Variants in PDHX observed in about 807,000 individuals in gnomAD.
The protein encoded by PDHX is pyruvate dehydrogenase protein X component, mitochondrial.
In PDHX, 33 loss-of-function variants were observed where a neutral mutation model predicts 55.3. The ratio of observed to expected loss-of-function variants is 0.60; its 90% CI spans 0.45 to 0.80. The LOEUF is 0.80. Among genes scored for constraint, PDHX ranks in the 30% least tolerant of loss-of-function variants. The pLI, the probability that PDHX is intolerant of heterozygous loss-of-function variation, is 0.00. For missense variants in PDHX, 622 were observed against 619.9 expected (o/e 1.00, Z -0.04); for synonymous variants, 226 against 219.4 (o/e 1.03, Z -0.27).
chr11:34,985,907 A>G (rs1855631426), intron 9 of PDHX, among the ~76,000 whole-genome samples: 1 of 152,236 alleles, frequency 6.6e-6, no homozygotes, highest in South Asian at 2.1e-4. Context: ...AGAGGTAGAT[A>G]TAATTAAAGG....
chr11:34,991,906 C>CAAAA (rs1169109545), intron 9 of PDHX, among the ~76,000 whole-genome samples: 3 of 37,266 alleles, frequency 8.1e-5, no homozygotes, highest in African/African-American at 1.9e-4. Flanking sequence ...TGAGACTTCT[C>CAAAA]AAAAAAAAAA....
At chr11:34,961,562 TAA>T (rs1241783875) in intron 5 of PDHX, among the ~76,000 whole-genome samples, 1 of 152,260 alleles carries the variant, frequency 6.6e-6, no homozygotes, top group African/African-American at 2.4e-5. Flanking sequence ...CAATGGTTGT[TAA>T]ATTATAAGTG....
At chr11:34,921,346 C>T (rs1419291110) in intron 1 of PDHX, among the ~76,000 whole-genome samples, 1 of 152,134 alleles carries the variant, frequency 6.6e-6, no homozygotes, top group Admixed American at 6.6e-5. Flanking sequence ...TGCCTTGCCT[C>T]AGTGGTGATT....
chr11:34,991,507 G>T (rs1414608687), intron 9 of PDHX, among the ~76,000 whole-genome samples: 1 of 152,086 alleles, frequency 6.6e-6, no homozygotes, highest in Non-Finnish European at 1.5e-5. Context: ...CATTGTGTGG[G>T]GTTGAGATTG....
At chr11:34,991,178 A>G (rs1564935238) in intron 9 of PDHX, among the ~76,000 whole-genome samples, 1 of 152,214 alleles carries the variant, frequency 6.6e-6, no homozygotes, top group Non-Finnish European at 1.5e-5. Flanking sequence ...GCTGTGGTCA[A>G]GAGTGATATG....
In PDHX at chr11:34,995,147, T is replaced by C; in HGVS notation, c.1481T>C (p.Leu494Pro). ...TRFLKSFKAN[L>P]ENPIRLA Reference sequence around the variant, plus strand: ...TTTCTTAAAAGTTTTAAAGCAAACCTAGAGAATCCTATCCGACTTGCCTAG... The same window carrying C: ...TTTCTTAAAAGTTTTAAAGCAAACCCAGAGAATCCTATCCGACTTGCCTAG... Residue 494 changes from leucine to proline, a missense_variant, in exon 11 of 11, where the codon CTA becomes CCA. By Grantham distance (98) the Leu-to-Pro change is moderately conservative. Coordinates refer to ENST00000227868, the MANE Select transcript of PDHX (RefSeq NM_003477.3). 1 of 1,613,966 alleles carries C rather than the reference T, an allele frequency of 6.2e-7. No homozygotes were observed. The highest frequency in any genetic ancestry group is 8.5e-7 in the Non-Finnish European group (1 of 1,179,892).
rs529045239 is a variant in PDHX at position 34,952,811 on chromosome 11, A to G, written c.343-4573A>G. Among the ~76,000 whole-genome samples, 13 of 149,568 alleles carry G rather than the reference A, an allele frequency of 8.7e-5. No homozygotes were observed. The East Asian group carries it at 2.5e-3, about 29-fold the overall frequency. ...AGGGATGCCCTCTCTCACCACTCCT[A>G]TTCAACATAGTGTTGGAAGTTCTGG... is the stretch of plus-strand genomic sequence containing the variant. On this transcript the variant is annotated intron_variant, in intron 3 of 10. Coordinates refer to ENST00000227868, the MANE Select transcript of PDHX (RefSeq NM_003477.3).
chr11:34,984,784 T>A, intron 9 of PDHX, 56 bp downstream of exon 9: 1 of 1,528,386 alleles, frequency 6.5e-7, no homozygotes, highest in Non-Finnish European at 9.1e-7. Context: ...TTTGGATAAT[T>A]ACTTTCTGAT....
At chr11:34,944,715 A>C (rs1168095674) in intron 2 of PDHX, among the ~76,000 whole-genome samples, 1 of 151,934 alleles carries the variant, frequency 6.6e-6, no homozygotes, top group East Asian at 1.9e-4. Context: ...TTGCTATTCC[A>C]GCTATTTTTG....
intron 7 of PDHX, among the ~76,000 whole-genome samples, chr11:34,973,467 C>T (rs1855298236): frequency 1.3e-5 from 2 of 151,782 alleles, no homozygotes; most frequent in African/African-American, 4.8e-5. Flanking sequence ...TCTCTTTGTC[C>T]CACCTCTTTT....
chr11:34,923,283 G>T (rs754499991), intron 1 of PDHX, among the ~76,000 whole-genome samples: 5 of 152,126 alleles, frequency 3.3e-5, no homozygotes, highest in Non-Finnish European at 7.4e-5. Context: ...ATAAATCAAG[G>T]ACTTTATTAT....
At chr11:34,977,097 T>C (rs1319533215) in intron 7 of PDHX, among the ~76,000 whole-genome samples, 1 of 152,202 alleles carries the variant, frequency 6.6e-6, no homozygotes, top group African/African-American at 2.4e-5. Context: ...CTGACAGTTA[T>C]CGTGACAGTT....
intron 3 of PDHX, among the ~76,000 whole-genome samples, chr11:34,951,392 C>T (rs2133966850): frequency 6.6e-6 from 1 of 152,234 alleles, no homozygotes; most frequent in East Asian, 1.9e-4. Context: ...GCCATTCTAA[C>T]TGGTGTGAGA....
In PDHX at chr11:34,984,675, A is replaced by G. The variant is rs75430333; in HGVS notation, c.1129A>G (p.Ile377Val). 447 of 1,614,092 alleles carry G rather than the reference A, an allele frequency of 2.8e-4. No individual in the cohort carries two copies. Among genetic ancestry groups the G allele is most frequent in the Middle Eastern group, 2.1e-3 (13 of 6,060 alleles). ...AACAGATAAAGGCTTACTTACTCCA[A>G]TCATAAAAGATGCTGCTGCTAAAGG... ...VATDKGLLTP[I>V]IKDAAAKGIQ... The change falls in exon 9 of 11, where the codon ATC (isoleucine) becomes GTC (valine). Residue 377 changes from isoleucine (I) to valine (V), a missense_variant. By Grantham distance (29) the Ile-to-Val change is conservative. Transcript: ENST00000227868.
intron 3 of PDHX, 49 bp from the exon 4 acceptor site, chr11:34,957,335 G>T (rs200728017): frequency 8.3e-7 from 1 of 1,198,058 alleles, no homozygotes; most frequent in Non-Finnish European, 1.2e-6. Context: ...ACTACTTAAT[G>T]CAGTCATGGG....
rs765747426 is a variant in PDHX at position 34,966,656 on chromosome 11, G to A, written c.658G>A (p.Val220Ile). The stretch of plus-strand genomic sequence containing the variant: ...TATTTCCAGGGATGCTCTCAAACTT[G>A]TCCAGTTGAAACAAACGGGCAAGAT... ...IFTKEDALKL[V>I]QLKQTGKITE... The change falls in exon 6 of 11, where the codon GTC (valine) becomes ATC (isoleucine). Residue 220 changes from valine to isoleucine, a missense_variant. Physicochemically the swap from Val to Ile is conservative, Grantham distance 29. Coordinates refer to ENST00000227868, the MANE Select transcript of PDHX (RefSeq NM_003477.3). 1 of 1,613,838 alleles carries A rather than the reference G, an allele frequency of 6.2e-7. No individual in the cohort carries two copies. The highest frequency in any genetic ancestry group is 8.5e-7 in the Non-Finnish European group (1 of 1,179,972).
At chr11:34,954,079 TATA>T (rs1854846849) in intron 3 of PDHX, among the ~76,000 whole-genome samples, 1 of 152,220 alleles carries the variant, frequency 6.6e-6, no homozygotes, top group Non-Finnish European at 1.5e-5. Context: ...TTCAAAATTG[TATA>T]ATGATTCACA....
chr11:34,968,623 A>G (rs1855187574), intron 6 of PDHX, among the ~76,000 whole-genome samples: 1 of 152,210 alleles, frequency 6.6e-6, no homozygotes, highest in African/African-American at 2.4e-5. Context: ...GAAATAAGAT[A>G]CTCATGTTAT....
At chr11:34,971,772 T>C (rs1855263353) in intron 7 of PDHX, among the ~76,000 whole-genome samples, 2 of 152,160 alleles carry the variant, frequency 1.3e-5, no homozygotes, top group African/African-American at 4.8e-5. Context: ...TTTGTTATCT[T>C]ATCTAGTGGA....
Sources: allele counts gnomAD v4.1 joint callset (sites outside exome capture counted in the v4.1 genomes callset), GRCh38; gene constraint gnomAD v4.1.1; transcripts MANE v1.5; gene names NCBI Gene and HGNC (gene_info 2026-07-23, HGNC 2026-07-21).